Variants in DCAF10 observed in about 807,000 individuals in gnomAD.
DCAF10 encodes the protein DDB1 and CUL4 associated factor 10, also known as DDB1- and CUL4-associated factor 10.
In DCAF10, 19 loss-of-function variants were observed where a neutral mutation model predicts 51.9. That is an observed-to-expected ratio of 0.37 (90% confidence interval 0.26 to 0.54). DCAF10 has a LOEUF of 0.54. DCAF10 is among the 20% of genes least tolerant of loss of function. The pLI, the probability that DCAF10 is intolerant of heterozygous loss-of-function variation, is 0.87. For synonymous variants in DCAF10, 291 were observed against 297.1 expected (o/e 0.98, Z 0.21); for missense variants, 510 against 730.6 (o/e 0.70, Z 3.48).
chr9:37,802,393 A>T (rs1828981805), intron 1 of DCAF10, among the ~76,000 whole-genome samples: 1 of 152,226 alleles, frequency 6.6e-6, no homozygotes, highest in East Asian at 1.9e-4. Context: ...GTGTTCACGG[A>T]TTCCCTGAGG....
At chr9:37,804,787 A>T (rs372427948) in intron 1 of DCAF10, among the ~76,000 whole-genome samples, 2 of 151,960 alleles carry the variant, frequency 1.3e-5, no homozygotes, top group East Asian at 1.9e-4. Context: ...AAAAAAAAAA[A>T]GTAGAGAAAA....
intron 3 of DCAF10, among the ~76,000 whole-genome samples, chr9:37,854,352 C>T (rs1830783003): frequency 1.3e-5 from 2 of 152,144 alleles, no homozygotes; most frequent in African/African-American, 4.8e-5. Context: ...AAGCAATCCT[C>T]CTGCCTTGGT....
intron 2 of DCAF10, chr9:37,836,370 T>G: frequency 6.2e-7 from 1 of 1,610,612 alleles, no homozygotes; most frequent in African/African-American, 1.3e-5. Flanking sequence ...GGAAACACTA[T>G]CAGAAGAAAA....
chr9:37,819,274 T>A lies in DCAF10; in HGVS notation c.540-14T>A, dbSNP rs1205966290. 1.3e-6 allele frequency: 2 copies of A among 1,596,328 alleles called. No homozygotes were observed. The highest frequency in any genetic ancestry group is 1.7e-6 in the Non-Finnish European group (2 of 1,165,946). Reference sequence around the variant, plus strand: ...TAGAAAACTAAACAAGATAAATGTGTCATTTGCTTTCAGGTCAGTGCTGAC... The same window carrying A: ...TAGAAAACTAAACAAGATAAATGTGACATTTGCTTTCAGGTCAGTGCTGAC... On this transcript the variant is annotated splice_polypyrimidine_tract_variant and intron_variant, in intron 1 of 6. Coordinates refer to ENST00000377724, the MANE Select transcript of DCAF10 (RefSeq NM_024345.5).
chr9:37,859,917 C>T (rs1003583043), intron 5 of DCAF10, 131 bp from the exon 6 acceptor site: 3 of 1,104,152 alleles, frequency 2.7e-6, no homozygotes, highest in Non-Finnish European at 3.9e-6. Flanking sequence ...CGCTCTTTAA[C>T]ATATGGTAGC....
At chr9:37,850,852 ATATATAT>A (rs1830622497) in intron 3 of DCAF10, among the ~76,000 whole-genome samples, 1 of 100,670 alleles carries the variant, frequency 9.9e-6, no homozygotes, top group Admixed American at 9.6e-5. Flanking sequence ...ATATATATAT[ATATATAT>A]ATATATATAT....
chr9:37,803,916 G>A (rs1353038014), intron 1 of DCAF10, among the ~76,000 whole-genome samples: 2 of 151,012 alleles, frequency 1.3e-5, no homozygotes. Flanking sequence ...AAAGATAAAT[G>A]GGTTAGAAGG....
intron 5 of DCAF10, among the ~76,000 whole-genome samples, chr9:37,859,150 G>T (rs1830939987): frequency 6.6e-6 from 1 of 152,150 alleles, no homozygotes; most frequent in South Asian, 2.1e-4. Context: ...AGCTTCACAG[G>T]TTTCTGTTAA....
At chr9:37,833,838 T>C (rs1003689997) in intron 2 of DCAF10, among the ~76,000 whole-genome samples, 1 of 152,228 alleles carries the variant, frequency 6.6e-6, no homozygotes, top group African/African-American at 2.4e-5. Flanking sequence ...TAACGCTACA[T>C]TCTCTGCATC....
At position 37,836,446 on chromosome 9, in the gene DCAF10, C is replaced by T. The variant is rs1830167324; in HGVS notation, c.654-5643C>T. ...GCCTGAATTTGAAATGAGGGTGGGC[C>T]AGATGAGTATGTTTAAGTGGAGAGT... On this transcript the variant is annotated intron_variant, in intron 2 of 6. Coordinates refer to ENST00000377724, the MANE Select transcript of DCAF10 (RefSeq NM_024345.5). 21 of 1,403,380 alleles carry T rather than the reference C, an allele frequency of 1.5e-5. No individual in the cohort carries two copies. In the East Asian group the frequency reaches 4.6e-4, roughly 30 times the overall value. The allele number at this position is 1,403,380 out of a possible 1,614,324, so 86.9% of individuals were successfully genotyped here. A position where few individuals can be genotyped will look rare whatever the true frequency, so the allele number is the denominator to read the frequency against.
At chr9:37,855,027 C>A in intron 4 of DCAF10, 45 bp downstream of exon 4, 1 of 1,530,352 alleles carries the variant, frequency 6.5e-7, no homozygotes, top group South Asian at 1.2e-5. Context: ...TCGAGAATCT[C>A]AAACATAGAG....
Position 37,854,793 on chromosome 9 carries a change from G to A in DCAF10, c.865G>A (p.Gly289Arg), listed in dbSNP as rs948765090. The change falls in exon 4 of 7, where the codon GGG (glycine) becomes AGG (arginine). Residue 289 changes from glycine (G) to arginine (R), a missense_variant. Coordinates refer to ENST00000377724, the MANE Select transcript of DCAF10 (RefSeq NM_024345.5). The part of the protein sequence containing the change: ...IWDTNRYTED[G>R]CPHKKFFHTR... ...TTTCTCCTGTAGGTATACAGAAGAT[G>A]GGTGTCCACATAAGAAATTCTTTCA... 1 of 1,613,872 alleles carries A rather than the reference G, an allele frequency of 6.2e-7. No homozygotes were observed. Among genetic ancestry groups the A allele is most frequent in the Admixed American group, 1.7e-5 (1 of 59,996 alleles).
At chr9:37,810,753 C>T (rs149740947) in intron 1 of DCAF10, among the ~76,000 whole-genome samples, 4 of 152,190 alleles carry the variant, frequency 2.6e-5, no homozygotes, top group Admixed American at 6.5e-5. Context: ...TGAGCCACTG[C>T]GCCTGGCCTC....
At chr9:37,814,106 A>T (rs1470449077) in intron 1 of DCAF10, among the ~76,000 whole-genome samples, 17 of 103,308 alleles carry the variant, frequency 1.6e-4, no homozygotes, top group African/African-American at 6.6e-4. Context: ...ATATATATAT[A>T]TATATATATA....
intron 3 of DCAF10, among the ~76,000 whole-genome samples, chr9:37,843,325 G>A (rs1342582658): frequency 1.3e-5 from 2 of 152,088 alleles, no homozygotes; most frequent in African/African-American, 2.4e-5. Context: ...CATCATTTTC[G>A]AAATATTCTT....
At position 37,866,158 on chromosome 9, in the gene DCAF10, A is replaced by G. The variant is rs1831132893; in HGVS notation, c.*4650A>G. The G allele has an allele frequency of 6.6e-6, 1 of 152,644 alleles. No homozygotes were observed. Among genetic ancestry groups the G allele is most frequent in the South Asian group, 2.1e-4 (1 of 4,828 alleles). 9.5% of individuals were successfully genotyped at this position (152,644 alleles called of 1,614,324 possible). A position where few individuals can be genotyped will look rare whatever the true frequency, so the allele number is the denominator to read the frequency against. ...GGTCTTGAAGGAAACCGTACATATG[A>G]ATTTTTGGATAGCTAATGTATATCT... is the stretch of plus-strand genomic sequence containing the variant. On this transcript the variant is annotated 3_prime_UTR_variant, in exon 7 of 7. Coordinates refer to ENST00000377724, the MANE Select transcript of DCAF10 (RefSeq NM_024345.5).
At chr9:37,834,794 C>CT (rs372584446) in intron 2 of DCAF10, among the ~76,000 whole-genome samples, 47 of 144,226 alleles carry the variant, frequency 3.3e-4, no homozygotes, top group Middle Eastern at 3.6e-3. Context: ...CAATCACGTA[C>CT]TTTTTTTTTT....
At chr9:37,842,798 C>A (rs765608807) in intron 3 of DCAF10, among the ~76,000 whole-genome samples, 44 of 152,194 alleles carry the variant, frequency 2.9e-4, no homozygotes, top group Non-Finnish European at 5.7e-4. Context: ...AGTTTCTAAA[C>A]CTCCTGCAGT....
chr9:37,842,314 T>C (rs984800742), intron 3 of DCAF10, 28 bp downstream of exon 3: 4 of 1,589,490 alleles, frequency 2.5e-6, no homozygotes, highest in Middle Eastern at 1.7e-4. Flanking sequence ...CATGTTAGGA[T>C]TATGAACAAA....
Sources: gnomAD v4.1 joint callset for allele counts (sites outside exome capture counted in the v4.1 genomes callset) on GRCh38, gnomAD v4.1.1 for gene constraint, MANE v1.5 for transcripts, NCBI Gene and HGNC (gene_info 2026-07-23, HGNC 2026-07-21) for gene names.